PTPRT: variants seen among roughly 807,000 people sequenced by gnomAD.
The protein encoded by PTPRT is protein tyrosine phosphatase receptor type T.
A neutral mutation model predicts 176.8 loss-of-function variants in PTPRT; 56 were observed. That is an observed-to-expected ratio of 0.32 (90% CI 0.26 to 0.40). The LOEUF (loss-of-function observed/expected upper bound fraction) is 0.40, where lower values mean the gene tolerates loss of function less well. PTPRT is among the 10% of genes least tolerant of loss of function. The probability of loss-of-function intolerance (pLI) is 1.00; values close to 1 mark genes in which losing one functional copy is unlikely to be tolerated. For synonymous variants in PTPRT, 783 were observed against 739.0 expected (o/e 1.06, Z -0.96); for missense variants, 1,540 against 1,908.2 (o/e 0.81, Z 3.60).
intron 1 of PTPRT, among the ~76,000 whole-genome samples, chr20:42,947,743 C>T (rs1390190678): frequency 6.6e-6 from 1 of 152,154 alleles, no homozygotes; most frequent in Non-Finnish European, 1.5e-5. Context: ...CACCCTCATA[C>T]CTTTCACTCA....
intron 2 of PTPRT, among the ~76,000 whole-genome samples, chr20:42,813,984 C>T (rs1021071847): frequency 1.4e-4 from 21 of 152,198 alleles, no homozygotes; most frequent in Admixed American, 3.9e-4. Flanking sequence ...ACCCCCATCC[C>T]GGCCCCAAGC....
In PTPRT at chr20:43,010,605, A is replaced by G. The variant is rs932366886; in HGVS notation, c.89-124673T>C. 1.1e-4 allele frequency among the ~76,000 whole-genome samples: 16 copies of G among 152,196 alleles called. 1 individual carries two copies. Among genetic ancestry groups the G allele is most frequent in the Non-Finnish European group, 2.1e-4 (14 of 68,018 alleles). On this transcript the variant is annotated intron_variant, in intron 1 of 30. Coordinates refer to ENST00000373187, the MANE Select transcript of PTPRT (RefSeq NM_007050.6). ...TCTCATACTTAGTAGCAAAACGTAT[A>G]CTGGTTGACAGCATCATCGTCAACC...
At position 42,724,706 on chromosome 20, in the gene PTPRT, G is replaced by A. The variant is rs1335138734; in HGVS notation, c.859+31756C>T. ...CCAACACTTTGGGAGGCCAAGACAG[G>A]AGGATCACTTGAGGCCAGGAGCTCA... On this transcript the variant is annotated intron_variant, in intron 6 of 30. Transcript: ENST00000373187. Among the ~76,000 whole-genome samples, 4 of 152,180 alleles carry A rather than the reference G, an allele frequency of 2.6e-5. No homozygotes were observed. In the East Asian group the frequency reaches 7.7e-4, roughly 29 times the overall value.
intron 1 of PTPRT, among the ~76,000 whole-genome samples, chr20:43,151,713 A>G (rs144134626): frequency 6.6e-6 from 1 of 152,204 alleles, no homozygotes; most frequent in East Asian, 1.9e-4. Context: ...CATACAAAAA[A>G]TTAGCCAGGC....
In PTPRT at chr20:43,047,812, C is replaced by T. The variant is rs184193001; in HGVS notation, c.88+141834G>A. Among the ~76,000 whole-genome samples, 348 of 152,272 alleles carry T rather than the reference C, an allele frequency of 2.3e-3. 3 individuals are homozygous for T. Among genetic ancestry groups the T allele is most frequent in the Admixed American group, 0.011 (163 of 15,304 alleles). Reference sequence around the variant, plus strand: ...ATTACCTCAATTAATCCCCACAGAACTCCATAAAATAGGGGTTCTTTTGTC... The same window carrying T: ...ATTACCTCAATTAATCCCCACAGAATTCCATAAAATAGGGGTTCTTTTGTC... On this transcript the variant is annotated intron_variant, in intron 1 of 30. Coordinates refer to ENST00000373187, the MANE Select transcript of PTPRT (RefSeq NM_007050.6).
intron 1 of PTPRT, among the ~76,000 whole-genome samples, chr20:43,105,949 T>C (rs1179631082): frequency 6.6e-6 from 1 of 152,010 alleles, no homozygotes; most frequent in Non-Finnish European, 1.5e-5. Context: ...TAGTTTCCAC[T>C]GTCAAGGAAT....
chr20:42,505,976 C>T (rs1018593638), intron 7 of PTPRT, among the ~76,000 whole-genome samples: 1 of 152,140 alleles, frequency 6.6e-6, no homozygotes, highest in African/African-American at 2.4e-5. Context: ...ATTTTCTATG[C>T]CCCTTTCCTC....
intron 27 of PTPRT, among the ~76,000 whole-genome samples, chr20:42,096,080 G>A (rs998764910): frequency 1.3e-5 from 2 of 152,016 alleles, no homozygotes; most frequent in South Asian, 2.1e-4. Context: ...CTAAACCTTG[G>A]GGACTTAAGT....
chr20:42,887,535 T>C (rs1448684595), intron 1 of PTPRT, among the ~76,000 whole-genome samples: 3 of 152,156 alleles, frequency 2.0e-5, no homozygotes, highest in African/African-American at 7.2e-5. Flanking sequence ...TTTATTCAGT[T>C]CATCCCACAC....
intron 1 of PTPRT, among the ~76,000 whole-genome samples, chr20:42,964,084 G>A (rs1161081172): frequency 6.6e-6 from 1 of 152,124 alleles, no homozygotes; most frequent in Non-Finnish European, 1.5e-5. Context: ...CCTGTAGGGA[G>A]TTAGGGAGGA....
Position 42,104,561 on chromosome 20 carries a change from GCTCATA to G in PTPRT, c.3540+2_3540+7del. ...AAGATGGTCACCGAGCCTGGGATTT[GCTCATA>G]CCTGAAATTCATCTTTGATTTGGCT... On this transcript the variant is annotated splice_donor_variant and splice_donor_5th_base_variant and intron_variant, in intron 25 of 30. Coordinates refer to ENST00000373187, the MANE Select transcript of PTPRT (RefSeq NM_007050.6). LOFTEE classifies it high-confidence loss of function. 1 of 1,610,474 alleles carries G rather than the reference GCTCATA, an allele frequency of 6.2e-7. No individual in the cohort carries two copies. Among genetic ancestry groups the G allele is most frequent in the Non-Finnish European group, 8.5e-7 (1 of 1,177,164 alleles).
intron 9 of PTPRT, among the ~76,000 whole-genome samples, chr20:42,374,588 A>G (rs1041501295): frequency 4.6e-5 from 7 of 152,240 alleles, no homozygotes; most frequent in Non-Finnish European, 8.8e-5. Flanking sequence ...AAATCAATAA[A>G]AAAGAAGAAC....
intron 11 of PTPRT, among the ~76,000 whole-genome samples, chr20:42,344,202 C>G (rs1267941601): frequency 6.6e-6 from 1 of 152,164 alleles, no homozygotes; most frequent in East Asian, 1.9e-4. Context: ...GCCCAGCCCC[C>G]AAAGAGCATG....
chr20:43,022,412 T>G (rs1985726546), intron 1 of PTPRT, among the ~76,000 whole-genome samples: 1 of 152,250 alleles, frequency 6.6e-6, no homozygotes. Flanking sequence ...AGTCTCATCT[T>G]TGCCCTCCAG....
chr20:42,040,265 G>C, the PTPRT span, among the ~76,000 whole-genome samples: 3 of 152,168 alleles, frequency 2.0e-5, no homozygotes, highest in African/African-American at 7.2e-5. Context: ...GGAGAAACAG[G>C]CTGTCTGAGC....
At chr20:42,130,989 A>T (rs1349120417) in intron 18 of PTPRT, among the ~76,000 whole-genome samples, 3 of 152,200 alleles carry the variant, frequency 2.0e-5, no homozygotes, top group Non-Finnish European at 4.4e-5. Context: ...CATTTTACAG[A>T]TGAAGACACT....
chr20:43,181,717 T>G (rs144275355), intron 1 of PTPRT, among the ~76,000 whole-genome samples: 372 of 152,296 alleles, frequency 2.4e-3, no homozygotes, highest in African/African-American at 8.3e-3. Flanking sequence ...TATGCCAGTG[T>G]TCAAACAAAA....
intron 1 of PTPRT, among the ~76,000 whole-genome samples, chr20:42,891,639 TGAGA>T (rs1191539359): frequency 6.6e-6 from 1 of 152,168 alleles, no homozygotes; most frequent in African/African-American, 2.4e-5. Context: ...CTTTTGAAAA[TGAGA>T]GAGGAATAGA....
At chr20:42,454,861 C>A (rs532124748) in intron 8 of PTPRT, among the ~76,000 whole-genome samples, 1 of 152,160 alleles carries the variant, frequency 6.6e-6, no homozygotes, top group Admixed American at 6.6e-5. Flanking sequence ...ATGCTTACTG[C>A]AAAGTACAAA....
Sources: allele counts gnomAD v4.1 joint callset (sites outside exome capture counted in the v4.1 genomes callset), GRCh38; gene constraint gnomAD v4.1.1; transcripts MANE v1.5; gene names NCBI Gene and HGNC (gene_info 2026-07-23, HGNC 2026-07-21).